PDE4D: variants seen among roughly 807,000 people sequenced by gnomAD.
PDE4D encodes the protein phosphodiesterase 4D, also known as 3',5'-cyclic-AMP phosphodiesterase 4D.
In PDE4D, 24 loss-of-function variants were observed where a neutral mutation model predicts 87.4. That is an observed-to-expected ratio of 0.27 (90% confidence interval 0.20 to 0.39). The LOEUF (loss-of-function observed/expected upper bound fraction) is 0.39. Among genes scored for constraint, PDE4D ranks in the 10% least tolerant of loss-of-function variants. PDE4D has a pLI of 1.00. For missense variants in PDE4D, 714 were observed against 1,041.0 expected (o/e 0.69, Z 4.32); for synonymous variants, 384 against 383.2 (o/e 1.00, Z -0.02).
At chr5:59,317,078 C>G (rs1358609859) in intron 1 of PDE4D, among the ~76,000 whole-genome samples, 1 of 152,162 alleles carries the variant, frequency 6.6e-6, no homozygotes, top group African/African-American at 2.4e-5. Context: ...TAATTTGAGA[C>G]CTAGCAGCTG....
At chr5:59,133,790 G>T (rs1333833560) in intron 5 of PDE4D, among the ~76,000 whole-genome samples, 1 of 152,136 alleles carries the variant, frequency 6.6e-6, no homozygotes, top group Admixed American at 6.5e-5. Context: ...GAACCATCCA[G>T]CTACACGTGA....
intron 1 of PDE4D, among the ~76,000 whole-genome samples, chr5:60,470,321 T>G (rs747370306): frequency 8.5e-5 from 13 of 152,190 alleles, no homozygotes; most frequent in Non-Finnish European, 1.5e-4. Context: ...AAATAAACTG[T>G]TTCCATAACA....
intron 1 of PDE4D, among the ~76,000 whole-genome samples, chr5:59,856,429 C>T (rs535326399): frequency 1.6e-4 from 24 of 152,170 alleles, no homozygotes; most frequent in South Asian, 4.1e-4. Flanking sequence ...TCAATGTGTA[C>T]GACAGTTAAA....
intron 1 of PDE4D, among the ~76,000 whole-genome samples, chr5:59,877,939 C>A (rs1189593410): frequency 6.6e-6 from 1 of 152,096 alleles, no homozygotes; most frequent in Non-Finnish European, 1.5e-5. Flanking sequence ...ACCCCCGACA[C>A]ACAAACATCC....
At chr5:59,766,802 A>G (rs1762857293) in intron 1 of PDE4D, among the ~76,000 whole-genome samples, 1 of 152,248 alleles carries the variant, frequency 6.6e-6, no homozygotes, top group Non-Finnish European at 1.5e-5. Flanking sequence ...TTTTTCCAAA[A>G]AGAAAATCTT....
intron 1 of PDE4D, among the ~76,000 whole-genome samples, chr5:60,203,135 C>T (rs577257009): frequency 6.6e-6 from 1 of 152,218 alleles, no homozygotes; most frequent in East Asian, 1.9e-4. Flanking sequence ...CTACGCTCGA[C>T]TAATTTTTAT....
chr5:59,024,039 T>C (rs1267000050), intron 6 of PDE4D, among the ~76,000 whole-genome samples: 1 of 150,364 alleles, frequency 6.7e-6, no homozygotes, highest in Non-Finnish European at 1.5e-5. Flanking sequence ...GTAGCTGAGA[T>C]AACAGACATG....
intron 6 of PDE4D, among the ~76,000 whole-genome samples, chr5:59,020,427 TGTGC>T (rs146321561): frequency 0.047 from 7,086 of 151,976 alleles, 508 homozygotes; most frequent in African/African-American, 0.16. Context: ...GAGCCGAGAT[TGTGC>T]TACTGCACTC....
At chr5:60,268,052 T>C (rs1202826795) in intron 1 of PDE4D, among the ~76,000 whole-genome samples, 2 of 152,100 alleles carry the variant, frequency 1.3e-5, no homozygotes, top group Non-Finnish European at 2.9e-5. Context: ...GCCCTAATCA[T>C]GCAGGCTGTG....
intron 1 of PDE4D, among the ~76,000 whole-genome samples, chr5:59,533,103 T>C (rs1481723458): frequency 6.6e-6 from 1 of 152,206 alleles, no homozygotes; most frequent in Non-Finnish European, 1.5e-5. Flanking sequence ...ACTAACACAC[T>C]GTCTTCATAT....
intron 1 of PDE4D, among the ~76,000 whole-genome samples, chr5:59,222,077 T>A (rs1026560049): frequency 6.6e-6 from 1 of 152,140 alleles, no homozygotes; most frequent in Non-Finnish European, 1.5e-5. Context: ...TCCTTTTCTA[T>A]GGAACCAGCC....
chr5:60,372,068 C>T (rs1761076748), intron 1 of PDE4D, among the ~76,000 whole-genome samples: 1 of 152,140 alleles, frequency 6.6e-6, no homozygotes, highest in Admixed American at 6.5e-5. Flanking sequence ...CTGAATCTAC[C>T]CATTTACACT....
At chr5:60,115,540 T>C (rs965938553) in intron 2 of PDE4D, among the ~76,000 whole-genome samples, 1 of 152,162 alleles carries the variant, frequency 6.6e-6, no homozygotes, top group African/African-American at 2.4e-5. Flanking sequence ...ATGTTCACTA[T>C]CTTGTGTCTT....
chr5:59,830,938 A>T lies in PDE4D; in HGVS notation c.455+62230T>A, dbSNP rs76257947. Among the ~76,000 whole-genome samples the T allele has an allele frequency of 7.1e-3, 1,087 of 152,162 alleles. 40 individuals are homozygous for T. In the East Asian group the frequency reaches 0.11, roughly 15 times the overall value. ...GGTTAAGAAACTATCCCTGTAGCAC[A>T]ATTTAGTTAGGGCACAGATAGCAAG... On this transcript the variant is annotated intron_variant, in intron 1 of 14. Transcript: ENST00000340635.
chr5:59,363,639 AGAT>A (rs1424630604), intron 1 of PDE4D, among the ~76,000 whole-genome samples: 2 of 152,220 alleles, frequency 1.3e-5, no homozygotes, highest in African/African-American at 4.8e-5. Flanking sequence ...ACCACTTTAT[AGAT>A]GAGAAATCTG....
At chr5:59,241,217 A>G (rs974920921) in intron 1 of PDE4D, among the ~76,000 whole-genome samples, 3 of 152,198 alleles carry the variant, frequency 2.0e-5, no homozygotes, top group Admixed American at 2.0e-4. Context: ...TTGAAGTTAA[A>G]TAACTATCAA....
intron 1 of PDE4D, among the ~76,000 whole-genome samples, chr5:59,346,571 C>A (rs1779632951): frequency 6.6e-6 from 1 of 151,844 alleles, no homozygotes; most frequent in Admixed American, 6.6e-5. Context: ...TCAGATCTCC[C>A]TAAGGTTTAT....
intron 1 of PDE4D, among the ~76,000 whole-genome samples, chr5:59,453,868 GGAA>G (rs1799517815): frequency 6.6e-6 from 1 of 152,322 alleles, no homozygotes; most frequent in Admixed American, 6.5e-5. Flanking sequence ...AACTTTTATT[GGAA>G]GAAGATGCCA....
rs934445075 is a variant in PDE4D at position 60,319,832 on chromosome 5, G to A, written c.-89-134145C>T. Among the ~76,000 whole-genome samples the A allele has an allele frequency of 3.9e-5, 6 of 152,158 alleles. No homozygotes were observed. The East Asian group carries it at 5.8e-4, about 15-fold the overall frequency. On this transcript the variant is annotated intron_variant, in intron 1 of 16. Coordinates refer to the PDE4D transcript ENST00000502484. Reference sequence around the variant, plus strand: ...GAGCAGCAAATGTTGCTGCCTGATCGTTCCTCTGGAAGTTTTGTCTAAGAG... The same window carrying A: ...GAGCAGCAAATGTTGCTGCCTGATCATTCCTCTGGAAGTTTTGTCTAAGAG...
Sources: gnomAD v4.1 joint callset for allele counts (sites outside exome capture counted in the v4.1 genomes callset) on GRCh38, gnomAD v4.1.1 for gene constraint, MANE v1.5 for transcripts, NCBI Gene and HGNC (gene_info 2026-07-23, HGNC 2026-07-21) for gene names.